The following GLIS2 variants were observed in gnomAD, a reference collection of about 807,000 sequenced individuals.
GLIS2 encodes zinc finger protein GLIS2.
Under a neutral mutation model 35.6 loss-of-function variants are expected in GLIS2, and 14 were observed. The observed-to-expected ratio is 0.39, with a 90% CI of 0.26 to 0.61. GLIS2 has a LOEUF of 0.61. Ranked by LOEUF, GLIS2 falls within the 20% of genes least tolerant of loss-of-function variation. The pLI is 0.48. For synonymous variants in GLIS2, 368 were observed against 325.1 expected, an observed-to-expected ratio of 1.13 and a Z score of -1.42; for missense variants, 675 against 713.4, an observed-to-expected ratio of 0.95 and a Z score of 0.61.
Position 4,335,065 on chromosome 16 carries a change from C to A in GLIS2, c.528C>A (p.Asn176Lys). 1 of 1,613,520 alleles carries A rather than the reference C, an allele frequency of 6.2e-7. No homozygotes were observed. The highest frequency in any genetic ancestry group is 8.5e-7 in the Non-Finnish European group (1 of 1,180,042). Reference protein sequence around the residue: ...KQLVCRWAKCNQLFELLQDLV... With the variant: ...KQLVCRWAKCKQLFELLQDLV... ...ACACTTCCCATCCTCCGCAGTGTAA[C>A]CAGCTCTTTGAGCTCCTGCAAGACC... Residue 176 changes from asparagine (N) to lysine (K), a missense_variant, in exon 5 of 7, where the codon AAC becomes AAA. Asn to Lys is a moderately conservative substitution (Grantham distance 94). Transcript: ENST00000433375. The surrounding 1 kb of genome is among the most constrained non-coding windows in gnomAD (Gnocchi z 4.6).
At chr16:4,321,372 C>A (rs1159026584) in intron 1 of GLIS2, among the ~76,000 whole-genome samples, 1 of 152,226 alleles carries the variant, frequency 6.6e-6, no homozygotes, top group African/African-American at 2.4e-5. Flanking sequence ...CCTCTTTGGG[C>A]ACGAACCCCT....
chr16:4,332,414 A>G lies in GLIS2; in HGVS notation c.134A>G (p.Asp45Gly). 6.2e-7 allele frequency: 1 copy of G among 1,612,646 alleles called. No homozygotes were observed. Among genetic ancestry groups the G allele is most frequent in the Non-Finnish European group, 8.5e-7 (1 of 1,179,990 alleles). Residue 45 changes from aspartate (D) to glycine (G), a missense_variant, in exon 2 of 7, where the codon GAC becomes GGC. Physicochemically the swap from Asp to Gly is moderately conservative, Grantham distance 94. This residue lies in a region of GLIS2 where 225 missense variants were observed against 238.7 expected (regional missense o/e 0.94). Coordinates refer to ENST00000433375, the MANE Select transcript of GLIS2 (RefSeq NM_032575.3). This position sits in a 1 kb window ranked among gnomAD's most constrained non-coding sequence, Gnocchi z 5.4. Reference protein sequence around the residue: ...ALHRELGLVDDSPTPGSPGSP... With the variant: ...ALHRELGLVDGSPTPGSPGSP... Reference sequence around the variant, plus strand: ...CACAGGGAGCTGGGCCTGGTGGATGACAGCCCCACACCTGGCTCTCCAGGC... The same window carrying G: ...CACAGGGAGCTGGGCCTGGTGGATGGCAGCCCCACACCTGGCTCTCCAGGC...
intron 1 of GLIS2, among the ~76,000 whole-genome samples, chr16:4,317,317 G>A (rs963533131): frequency 6.6e-6 from 1 of 152,160 alleles, no homozygotes; most frequent in Non-Finnish European, 1.5e-5. Flanking sequence ...GGCTTGGTCT[G>A]GGCCATGGAA....
rs1231691434 is a variant in GLIS2, at chr16:4,320,589, GGCATGACGGGGGCCAAC to G, written c.-67+4337_-67+4353del. Among the ~76,000 whole-genome samples, 2 of 152,134 alleles carry G rather than the reference GGCATGACGGGGGCCAAC, an allele frequency of 1.3e-5. No individual in the cohort carries two copies. The highest frequency in any genetic ancestry group is 4.8e-5 in the African/African-American group (2 of 41,414). On this transcript the variant is annotated intron_variant, in intron 1 of 6. Transcript: ENST00000433375. This position sits in a 1 kb window ranked among gnomAD's most constrained non-coding sequence, Gnocchi z 5.6. ...TCCTGCCCCCCACGTCCACTGCAAG[GGCATGACGGGGGCCAAC>G]GTGTCTGGAAGAAGCCTCTCCCCTT...
Position 4,334,792 on chromosome 16 carries a change from G to A in GLIS2, c.346-9G>A, listed in dbSNP as rs565376002. ...CAGGACCTTGACTAGCCCTCCCCTC[G>A]CACCCCAGGACTTCCAGCCACTGCG... On this transcript the variant is annotated splice_polypyrimidine_tract_variant and intron_variant, in intron 3 of 6. Coordinates refer to ENST00000433375, the MANE Select transcript of GLIS2 (RefSeq NM_032575.3). 18 of 1,612,988 alleles carry A rather than the reference G, an allele frequency of 1.1e-5. No individual in the cohort carries two copies. The highest frequency in any genetic ancestry group is 6.7e-5 in the Admixed American group (4 of 59,972).
At chr16:4,317,863 C>T (rs2053331635) in intron 1 of GLIS2, among the ~76,000 whole-genome samples, 1 of 152,192 alleles carries the variant, frequency 6.6e-6, no homozygotes, top group South Asian at 2.1e-4. Flanking sequence ...GCCTTTCCTC[C>T]TCCCCCTCCT....
chr16:4,327,096 G>C (rs945441021), intron 1 of GLIS2, among the ~76,000 whole-genome samples: 2 of 151,752 alleles, frequency 1.3e-5, no homozygotes, highest in African/African-American at 4.8e-5. Context: ...ATTTTTCCAT[G>C]TTGCCCAGGC....
intron 1 of GLIS2, among the ~76,000 whole-genome samples, chr16:4,318,665 G>C (rs2053341629): frequency 1.3e-5 from 2 of 152,200 alleles, no homozygotes; most frequent in Admixed American, 1.3e-4. Context: ...AGGGAGGCCT[G>C]GACCCCATTT....
chr16:4,327,677 GCCCACCCTCCGGGTGACC>G (rs1463893208), intron 1 of GLIS2, among the ~76,000 whole-genome samples: 21 of 151,312 alleles, frequency 1.4e-4, no homozygotes, highest in African/African-American at 4.3e-4. Context: ...GGCCCGCCCA[GCCCACCCTCCGGGTGACC>G]CCCGCCCTGC....
chr16:4,333,218 C>G (rs1338501906), intron 2 of GLIS2, 129 bp from the exon 3 acceptor site: 3 of 999,518 alleles, frequency 3.0e-6, no homozygotes, highest in Non-Finnish European at 4.6e-6. Context: ...GGCTGCTCCT[C>G]ACATTCGTGT....
At chr16:4,319,155 G>A (rs1449020766) in intron 1 of GLIS2, among the ~76,000 whole-genome samples, 1 of 152,148 alleles carries the variant, frequency 6.6e-6, no homozygotes, top group Non-Finnish European at 1.5e-5. Flanking sequence ...TGGGGCGGGG[G>A]TGGCTGCAGA....
In GLIS2 at chr16:4,336,909, T is replaced by C. The variant is rs751387756; in HGVS notation, c.960T>C (p.Phe320=). The C allele has an allele frequency of 1.2e-6, 2 of 1,613,056 alleles. No individual in the cohort carries two copies. Among genetic ancestry groups the C allele is most frequent in the Non-Finnish European group, 1.7e-6 (2 of 1,180,002 alleles). The part of the protein sequence containing the change: ...LRKHIKAHGH[F]VSHEQQELLQ... ...AGCACATCAAGGCCCATGGCCACTT[T>C]GTGTCCCACGAGCAGCAAGAGCTCC... Residue 320 remains phenylalanine (F), a synonymous_variant, in exon 7 of 7, where the codon TTT becomes TTC. Transcript: ENST00000433375.
chr16:4,315,538 C>T (rs2053297433), upstream of GLIS2: 2 of 152,030 alleles, frequency 1.3e-5, no homozygotes, highest in African/African-American at 2.4e-5. Context: ...CGGGGCTTTT[C>T]CTCTGGGCCC....
intron 1 of GLIS2, among the ~76,000 whole-genome samples, chr16:4,329,708 T>C (rs1257916854): frequency 6.6e-6 from 1 of 152,170 alleles, no homozygotes. Context: ...CGGGGGCATA[T>C]CCAAAGTATT....
At position 4,330,664 on chromosome 16, in the gene GLIS2, T is replaced by C. The variant is rs899287828; in HGVS notation, c.-66-1551T>C. ...TGCTCCTTGCCCCCTGGCCTGGTTC[T>C]AGATCTTTGGGGTCAAACAGGGCGG... On this transcript the variant is annotated intron_variant, in intron 1 of 6. Transcript: ENST00000433375. Among the ~76,000 whole-genome samples, 6 of 152,262 alleles carry C rather than the reference T, an allele frequency of 3.9e-5. No individual in the cohort carries two copies. The East Asian group carries it at 9.6e-4, about 24-fold the overall frequency.
Position 4,334,879 on chromosome 16 carries a change from C to A in GLIS2, c.424C>A (p.Leu142Met). The change falls in exon 4 of 7, where the codon CTG becomes ATG. Residue 142 changes from leucine (L) to methionine (M), a missense_variant. Physicochemically the swap from Leu to Met is conservative, Grantham distance 15. This residue lies in a region of GLIS2 where 225 missense variants were observed against 238.7 expected (regional missense o/e 0.94). Transcript: ENST00000433375. ...FFLPLGSGGA[L>M]HLPASSFLTP... Reference sequence around the variant, plus strand: ...CCTGCCCCTCGGCTCCGGGGGGGCCCTGCACCTGCCTGCCTCCTCCTTCCT... The same window carrying A: ...CCTGCCCCTCGGCTCCGGGGGGGCCATGCACCTGCCTGCCTCCTCCTTCCT... 1 of 1,613,212 alleles carries A rather than the reference C, an allele frequency of 6.2e-7. No individual in the cohort carries two copies. Among genetic ancestry groups the A allele is most frequent in the Non-Finnish European group, 8.5e-7 (1 of 1,180,014 alleles).
At position 4,336,708 on chromosome 16, in the gene GLIS2, A is replaced by G. The variant is rs576827376; in HGVS notation, c.776-17A>G. On this transcript the variant is annotated splice_polypyrimidine_tract_variant and intron_variant, in intron 6 of 6. Coordinates refer to ENST00000433375, the MANE Select transcript of GLIS2 (RefSeq NM_032575.3). ...GAGAGACCCCTCATGGCGGCACTGC[A>G]CTGCACCACCCTGCAGGTGAGAAGC... 11 of 1,583,212 alleles carry G rather than the reference A, an allele frequency of 6.9e-6. No individual in the cohort carries two copies. The East Asian group carries it at 2.6e-4, about 37-fold the overall frequency.
At chr16:4,333,867 C>A (rs189316098) in intron 3 of GLIS2, among the ~76,000 whole-genome samples, 1 of 152,302 alleles carries the variant, frequency 6.6e-6, no homozygotes, top group Non-Finnish European at 1.5e-5. Context: ...AACCCCAGCA[C>A]TTTAGGAGGC....
chr16:4,330,213 G>T (rs569828468), intron 1 of GLIS2, among the ~76,000 whole-genome samples: 3 of 152,280 alleles, frequency 2.0e-5, no homozygotes, highest in African/African-American at 7.2e-5. Context: ...GGAGGCAGAG[G>T]TTGCAGTGAG....
Sources: allele counts gnomAD v4.1 joint callset (sites outside exome capture counted in the v4.1 genomes callset), GRCh38; gene constraint gnomAD v4.1.1; regional missense constraint gnomAD v4.1.1; non-coding constraint Gnocchi (gnomAD v3.1); transcripts MANE v1.5; gene names NCBI Gene and HGNC (gene_info 2026-07-23, HGNC 2026-07-21).